ZFHX3: variants seen among roughly 807,000 people sequenced by gnomAD.
ZFHX3 encodes the protein zinc finger homeobox protein 3.
ZFHX3 carries 42 observed loss-of-function variants against 279.1 expected under a neutral mutation model. The observed-to-expected ratio is 0.15, with a 90% CI of 0.12 to 0.19. The LOEUF (loss-of-function observed/expected upper bound fraction) is 0.19, where lower values mean the gene tolerates loss of function less well. Among genes scored for constraint, ZFHX3 ranks in the 10% least tolerant of loss-of-function variants. The pLI, the probability that ZFHX3 is intolerant of heterozygous loss-of-function variation, is 1.00. For missense variants in ZFHX3, 4,981 were observed against 4,754.0 expected (o/e 1.05, Z -1.40); for synonymous variants, 2,293 against 1,957.8 (o/e 1.17, Z -4.52).
At chr16:72,977,715 T>C (rs777317504) in intron 1 of ZFHX3, among the ~76,000 whole-genome samples, 34 of 151,724 alleles carry the variant, frequency 2.2e-4, no homozygotes, top group Non-Finnish European at 8.8e-5. Flanking sequence ...CATGAGCATA[T>C]CACACAGAAA....
chr16:72,835,802 C>A (rs2037177954), intron 4 of ZFHX3, among the ~76,000 whole-genome samples: 1 of 152,158 alleles, frequency 6.6e-6, no homozygotes, highest in South Asian at 2.1e-4. Flanking sequence ...AATCACTTGT[C>A]TTCTTTAAGC....
intron 3 of ZFHX3, among the ~76,000 whole-genome samples, chr16:72,904,835 TTTTC>T (rs1202685581): frequency 3.9e-5 from 6 of 152,056 alleles, no homozygotes; most frequent in Non-Finnish European, 7.3e-5. Flanking sequence ...GCATTCTCTT[TTTTC>T]TTTCTTTCTG....
At chr16:73,325,928 A>AAAACACACACAC (rs368062772) in intron 3 of ZFHX3, among the ~76,000 whole-genome samples, 196 of 145,572 alleles carry the variant, frequency 1.3e-3, no homozygotes, top group African/African-American at 4.4e-3. Context: ...CACACACACA[A>AAAACACACACAC]ACACACACAC....
intron 4 of ZFHX3, among the ~76,000 whole-genome samples, chr16:72,861,955 C>A (rs1420655030): frequency 6.6e-6 from 1 of 152,154 alleles, no homozygotes; most frequent in Non-Finnish European, 1.5e-5. Flanking sequence ...GCAGAGGCTG[C>A]AATGAGTCAA....
intron 3 of ZFHX3, among the ~76,000 whole-genome samples, chr16:73,342,340 ACAC>A (rs2016047790): frequency 6.6e-6 from 1 of 152,200 alleles, no homozygotes; most frequent in East Asian, 1.9e-4. Context: ...TATCCTGAAG[ACAC>A]CTGTCCAACA....
intron 2 of ZFHX3, among the ~76,000 whole-genome samples, chr16:73,539,396 C>T (rs927646031): frequency 8.7e-6 from 1 of 115,560 alleles, no homozygotes; most frequent in Non-Finnish European, 1.8e-5. Flanking sequence ...ATGGCTGCTT[C>T]TTCTCTTTTT....
In ZFHX3 at chr16:72,786,727, T is replaced by C. The variant is rs1375218498; in HGVS notation, c.*437A>G. 1.3e-5 allele frequency: 2 copies of C among 152,586 alleles called. No individual in the cohort carries two copies. The highest frequency in any genetic ancestry group is 6.5e-5 in the Admixed American group (1 of 15,288). 9.5% of individuals were successfully genotyped at this position (152,586 alleles called of 1,614,324 possible). A position where few individuals can be genotyped will look rare whatever the true frequency, so the allele number is the denominator to read the frequency against. ...AGCCATTGGTATCTGAATGCTAAGA[T>C]AGCAAGAAATTTAAAACTGTAACAA... is the stretch of plus-strand genomic sequence containing the variant. On this transcript the variant is annotated 3_prime_UTR_variant, in exon 10 of 10. Coordinates refer to ENST00000268489, the MANE Select transcript of ZFHX3 (RefSeq NM_006885.4).
chr16:73,028,724 T>C (rs1218745904), intron 1 of ZFHX3, among the ~76,000 whole-genome samples: 2 of 152,070 alleles, frequency 1.3e-5, no homozygotes, highest in African/African-American at 4.8e-5. Flanking sequence ...TCCGGGCCCA[T>C]CCCTGGGAAA....
At chr16:73,148,147 C>G (rs1348579776) in intron 5 of ZFHX3, among the ~76,000 whole-genome samples, 2 of 152,174 alleles carry the variant, frequency 1.3e-5, no homozygotes, top group East Asian at 3.9e-4. Context: ...GTCTATGATT[C>G]TTTCTGCACC....
intron 1 of ZFHX3, among the ~76,000 whole-genome samples, chr16:73,762,541 G>C (rs989946302): frequency 6.6e-6 from 1 of 152,018 alleles, no homozygotes; most frequent in African/African-American, 2.4e-5. Flanking sequence ...TGCTCATTGC[G>C]CACTACTCAC....
chr16:73,507,348 T>C (rs961606772), intron 2 of ZFHX3, among the ~76,000 whole-genome samples: 1 of 152,098 alleles, frequency 6.6e-6, no homozygotes, highest in African/African-American at 2.4e-5. Context: ...TTAAGTTCAA[T>C]ACAAAATACT....
intron 2 of ZFHX3, among the ~76,000 whole-genome samples, chr16:73,611,192 CG>C (rs773394716): frequency 1.8e-4 from 27 of 152,072 alleles, no homozygotes; most frequent in African/African-American, 5.8e-4. Flanking sequence ...ACAAGCTTCC[CG>C]GGTTCTTCTC....
chr16:72,902,462 G>T (rs571632573), intron 3 of ZFHX3, among the ~76,000 whole-genome samples: 1 of 152,332 alleles, frequency 6.6e-6, no homozygotes, highest in South Asian at 2.1e-4. Context: ...CTGATAAACA[G>T]ATCAGCCCTT....
intron 3 of ZFHX3, among the ~76,000 whole-genome samples, chr16:73,379,023 T>C (rs2016774347): frequency 6.6e-6 from 1 of 152,162 alleles, no homozygotes; most frequent in Non-Finnish European, 1.5e-5. Context: ...TTTCGTACAG[T>C]CCCAAGAACT....
At chr16:72,972,833 T>C (rs1420533943) in intron 1 of ZFHX3, among the ~76,000 whole-genome samples, 5 of 152,156 alleles carry the variant, frequency 3.3e-5, no homozygotes, top group South Asian at 2.1e-4. Context: ...CATCTCTACA[T>C]TGCCTGTCCT....
At chr16:73,298,101 GGA>G (rs1412819167) in intron 4 of ZFHX3, among the ~76,000 whole-genome samples, 1 of 151,784 alleles carries the variant, frequency 6.6e-6, no homozygotes, top group East Asian at 1.9e-4. Context: ...TGAGGTAGGA[GGA>G]GTGCTTGAGT....
At chr16:73,876,047 G>A (rs890501659) in intron 1 of ZFHX3, among the ~76,000 whole-genome samples, 4 of 151,988 alleles carry the variant, frequency 2.6e-5, no homozygotes, top group East Asian at 1.9e-4. Context: ...TCTACAACAC[G>A]ACCCCAAACC....
chr16:73,419,572 C>T (rs1398473896), intron 3 of ZFHX3, among the ~76,000 whole-genome samples: 1 of 152,016 alleles, frequency 6.6e-6, no homozygotes, highest in Non-Finnish European at 1.5e-5. Context: ...AAATGTGGTT[C>T]CCTCAGTCTT....
upstream of ZFHX3, among the ~76,000 whole-genome samples, chr16:73,053,104 A>G (rs147483325): frequency 8.5e-4 from 130 of 152,250 alleles, no homozygotes; most frequent in Non-Finnish European, 1.5e-3. Context: ...TTTTTAACCT[A>G]AAACCCATCA....
Sources: allele counts gnomAD v4.1 joint callset (sites outside exome capture counted in the v4.1 genomes callset), GRCh38; gene constraint gnomAD v4.1.1; transcripts MANE v1.5; gene names NCBI Gene and HGNC (gene_info 2026-07-23, HGNC 2026-07-21).